Variants in MEGF6 observed in about 807,000 individuals in gnomAD.
MEGF6 encodes multiple epidermal growth factor-like domains protein 6.
In MEGF6, 184 loss-of-function variants were observed where a neutral mutation model predicts 207.1. That is an observed-to-expected ratio of 0.89 (90% confidence interval 0.79 to 1.00). The LOEUF is 1.00. Ranked by LOEUF, MEGF6 falls within the 50% of genes least tolerant of loss-of-function variation. The pLI is 0.00. For synonymous variants in MEGF6, 1,038 were observed against 910.0 expected, an observed-to-expected ratio of 1.14 and a Z score of -2.53; for missense variants, 2,282 against 2,202.9, an observed-to-expected ratio of 1.04 and a Z score of -0.72.
chr1:3,504,725 A>G (rs969768481), intron 17 of MEGF6, among the ~76,000 whole-genome samples: 1 of 151,864 alleles, frequency 6.6e-6, no homozygotes, highest in Non-Finnish European at 1.5e-5. Flanking sequence ...GCCTGCTCAC[A>G]CCCAGGCCAA....
intron 1 of MEGF6, among the ~76,000 whole-genome samples, chr1:3,604,773 C>A (rs1644217670): frequency 6.6e-6 from 1 of 152,160 alleles, no homozygotes. Context: ...CTTCCCCCAG[C>A]ACTGTTGGGC....
At chr1:3,507,453 C>T (rs1641158655) in intron 14 of MEGF6, among the ~76,000 whole-genome samples, 1 of 152,202 alleles carries the variant, frequency 6.6e-6, no homozygotes, top group Non-Finnish European at 1.5e-5. Context: ...ACCAGCTCTA[C>T]TTGAATGCTT....
rs1641315590 is a variant in MEGF6 at position 3,510,833 on chromosome 1, C to T, written c.1184G>A (p.Cys395Tyr). ...GAGCCGGTAGCCGGCGTAGCAGCCGCACTCGTACCCGCCAGGGTTGTTGGT... is the reference window on the plus strand; with the variant it reads ...GAGCCGGTAGCCGGCGTAGCAGCCGTACTCGTACCCGCCAGGGTTGTTGGT... Reference protein sequence around the residue: ...VCTNNPGGYECGCYAGYRLSA... With the variant: ...VCTNNPGGYEYGCYAGYRLSA... The change falls in exon 10 of 37, where the codon TGC (cysteine) becomes TAC (tyrosine). Residue 395 changes from cysteine (C) to tyrosine (Y), a missense_variant. Cys to Tyr is a radical substitution (Grantham distance 194, BLOSUM62 -2). Transcript: ENST00000356575. 3 of 1,611,034 alleles carry T rather than the reference C, an allele frequency of 1.9e-6. No homozygotes were observed. The highest frequency in any genetic ancestry group is 2.2e-5 in the East Asian group (1 of 44,810).
intron 3 of MEGF6, among the ~76,000 whole-genome samples, chr1:3,586,712 T>G (rs1643898714): frequency 6.6e-6 from 1 of 151,888 alleles, no homozygotes; most frequent in South Asian, 2.1e-4. Flanking sequence ...GGCAGGAAAA[T>G]GGAGGGCGGC....
At position 3,499,583 on chromosome 1, in the gene MEGF6, C is replaced by T. The variant is rs1214252100; in HGVS notation, c.2965+5G>A. 12 of 1,574,132 alleles carry T rather than the reference C, an allele frequency of 7.6e-6. No homozygotes were observed. The highest frequency in any genetic ancestry group is 1.3e-5 in the African/African-American group (1 of 74,400). ...CACCCCGGGCTGAGCAGGGACCTCA[C>T]GCACTCTCGGCACAGCGGGGGCCCC... is the stretch of plus-strand genomic sequence containing the variant. On this transcript the variant is annotated splice_donor_5th_base_variant and intron_variant, in intron 23 of 36. Coordinates refer to ENST00000356575, the MANE Select transcript of MEGF6 (RefSeq NM_001409.4).
At chr1:3,561,983 G>A (rs886835365) in intron 4 of MEGF6, among the ~76,000 whole-genome samples, 1 of 152,206 alleles carries the variant, frequency 6.6e-6, no homozygotes, top group African/African-American at 2.4e-5. Context: ...CTCCGTGGCC[G>A]AGTTCCTGGG....
upstream of MEGF6, among the ~76,000 whole-genome samples, chr1:3,614,877 T>C (rs4648397): frequency 0.85 from 129,708 of 152,262 alleles, 55,480 homozygotes; most frequent in East Asian, 0.98. Flanking sequence ...CTCTTCATCC[T>C]GAACTCATCA....
At chr1:3,569,315 C>A (rs1340211457) in intron 4 of MEGF6, among the ~76,000 whole-genome samples, 3 of 152,260 alleles carry the variant, frequency 2.0e-5, no homozygotes, top group Non-Finnish European at 4.4e-5. Context: ...AGGCCCTCAG[C>A]CTTGCCCTGG....
intron 35 of MEGF6, among the ~76,000 whole-genome samples, chr1:3,491,660 C>A (rs1640370355): frequency 6.6e-6 from 1 of 151,978 alleles, no homozygotes; most frequent in South Asian, 2.1e-4. Context: ...CAGCCTGGCG[C>A]CCGGCCTTTG....
At chr1:3,558,461 C>G (rs919563207) in intron 4 of MEGF6, among the ~76,000 whole-genome samples, 3 of 152,182 alleles carry the variant, frequency 2.0e-5, no homozygotes. Context: ...AGGCCCTCCT[C>G]AAAGACTCAA....
chr1:3,508,552 C>T lies in MEGF6; in HGVS notation c.1660+6G>A, dbSNP rs866839617. On this transcript the variant is annotated splice_donor_region_variant and intron_variant, in intron 13 of 36. Transcript: ENST00000356575. ...CCAGCCCCCAGCCCCTGCCCAGCTG[C>T]CTCACTCTCATTGCAGATGAGCCCA... 1.4e-5 allele frequency: 23 copies of T among 1,611,902 alleles called. 1 individual carries two copies. Among genetic ancestry groups the T allele is most frequent in the Middle Eastern group, 1.7e-4 (1 of 6,052 alleles).
Position 3,490,970 on chromosome 1 carries a change from G to C in MEGF6, c.4517-11C>G. The stretch of plus-strand genomic sequence containing the variant: ...GCCGGAGGGGCCCACCTGGAGGGGA[G>C]AGAGAGCAGGCCATGTTAGTACCCC... On this transcript the variant is annotated splice_polypyrimidine_tract_variant and intron_variant, in intron 35 of 36. Transcript: ENST00000356575. The C allele has an allele frequency of 1.3e-6, 2 of 1,594,002 alleles. No homozygotes were observed. Among genetic ancestry groups the C allele is most frequent in the Non-Finnish European group, 8.5e-7 (1 of 1,173,326 alleles).
In MEGF6 at chr1:3,496,775, G is replaced by A. The variant is rs760540452; in HGVS notation, c.3622C>T (p.Pro1208Ser). The A allele has an allele frequency of 1.3e-6, 2 of 1,557,252 alleles. No homozygotes were observed. The highest frequency in any genetic ancestry group is 2.4e-5 in the East Asian group (1 of 41,496). The change falls in exon 29 of 37, where the codon CCC becomes TCC. Residue 1208 changes from proline to serine, a missense_variant. By Grantham distance (74) the Pro-to-Ser change is moderately conservative (BLOSUM62 -1). Transcript: ENST00000356575. ...HGPSCQQRCP[P>S]GRYGPGCEQL... ...TCACAGCCTGGCCCATACCGCCCGG[G>A]CGGACATCCTGCAGGGAGAGGGGCT...
At chr1:3,551,013 G>A (rs1642867330) in intron 4 of MEGF6, among the ~76,000 whole-genome samples, 1 of 152,240 alleles carries the variant, frequency 6.6e-6, no homozygotes, top group Admixed American at 6.5e-5. Flanking sequence ...CTCGGAGTGT[G>A]AGGCAGGTGA....
chr1:3,603,973 C>A (rs1367245805), intron 1 of MEGF6, among the ~76,000 whole-genome samples: 2 of 152,236 alleles, frequency 1.3e-5, no homozygotes, highest in Non-Finnish European at 2.9e-5. Context: ...ATCCAGAAAG[C>A]ACAGACCCAA....
At position 3,507,851 on chromosome 1, in the gene MEGF6, G is replaced by A. The variant is rs773937244; in HGVS notation, c.1733C>T (p.Ser578Phe). Residue 578 changes from serine (S) to phenylalanine (F), a missense_variant, in exon 14 of 37, where the codon TCT (serine) becomes TTT (phenylalanine). Transcript: ENST00000356575. ...GGGGCAGCGGCAGGCCCCCGTGACAGAGTCGCAGGTCCCACCATTCTGACA... is the reference window on the plus strand; with the variant it reads ...GGGGCAGCGGCAGGCCCCCGTGACAAAGTCGCAGGTCCCACCATTCTGACA... ...CSCQNGGTCD[S>F]VTGACRCPPG... 2.5e-6 allele frequency: 4 copies of A among 1,612,822 alleles called. No homozygotes were observed. Among genetic ancestry groups the A allele is most frequent in the Non-Finnish European group, 3.4e-6 (4 of 1,179,972 alleles).
Position 3,595,535 on chromosome 1 carries a change from C to T in MEGF6, c.267-88G>A, listed in dbSNP as rs560370530. 6.7e-5 allele frequency: 79 copies of T among 1,181,474 alleles called. 1 individual carries two copies. The highest frequency in any genetic ancestry group is 4.9e-4 in the Admixed American group (27 of 54,682). 73.2% of individuals were successfully genotyped at this position (1,181,474 alleles called of 1,614,324 possible). On this transcript the variant is annotated intron_variant, in intron 2 of 36. Coordinates refer to ENST00000356575, the MANE Select transcript of MEGF6 (RefSeq NM_001409.4). ...TGCACCCCTGGGGAGACTGACTCTG[C>T]GTCAGCCGGGTTCCCGGCGGCACAG...
At position 3,492,778 on chromosome 1, in the gene MEGF6, G is replaced by A. The variant is rs567630853; in HGVS notation, c.4388-11C>T. 1 of 1,603,720 alleles carries A rather than the reference G, an allele frequency of 6.2e-7. No homozygotes were observed. The highest frequency in any genetic ancestry group is 1.1e-5 in the South Asian group (1 of 90,828). On this transcript the variant is annotated splice_polypyrimidine_tract_variant and intron_variant, in intron 34 of 36. Transcript: ENST00000356575. Reference sequence around the variant, plus strand: ...GGCCCCTTCTGCAATCTGCAAGGCGGAGGGGGCGGGAGACAAACCTGAGCA... The same window carrying A: ...GGCCCCTTCTGCAATCTGCAAGGCGAAGGGGGCGGGAGACAAACCTGAGCA...
chr1:3,574,567 T>C (rs1643589725), intron 4 of MEGF6, among the ~76,000 whole-genome samples: 2 of 109,544 alleles, frequency 1.8e-5, no homozygotes, highest in South Asian at 6.9e-4. Flanking sequence ...ATCTGCCCCT[T>C]TGACTGGTGC....
Sources: allele counts gnomAD v4.1 joint callset (sites outside exome capture counted in the v4.1 genomes callset), GRCh38; gene constraint gnomAD v4.1.1; transcripts MANE v1.5; gene names NCBI Gene and HGNC (gene_info 2026-07-23, HGNC 2026-07-21).